AGAP1: variants seen among roughly 807,000 people sequenced by gnomAD.
The protein encoded by AGAP1 is arf-GAP with GTPase, ANK repeat and PH domain-containing protein 1.
Under a neutral mutation model 105.3 loss-of-function variants are expected in AGAP1, and 29 were observed. The ratio of observed to expected loss-of-function variants is 0.28; its 90% CI spans 0.21 to 0.38. The LOEUF (loss-of-function observed/expected upper bound fraction) is 0.38. AGAP1 is among the 10% of genes least tolerant of loss of function. The pLI, the probability that AGAP1 is intolerant of heterozygous loss-of-function variation, is 1.00. For missense variants in AGAP1, 998 were observed against 1,165.1 expected, an observed-to-expected ratio of 0.86 and a Z score of 2.09; for synonymous variants, 509 against 485.9, an observed-to-expected ratio of 1.05 and a Z score of -0.63.
At chr2:235,873,204 ATTCCCAC>A (rs1215521766) in intron 9 of AGAP1, among the ~76,000 whole-genome samples, 3 of 152,222 alleles carry the variant, frequency 2.0e-5, no homozygotes, top group Admixed American at 2.0e-4. Context: ...AAATTCTCTG[ATTCCCAC>A]TTGGTACAAA....
intron 6 of AGAP1, among the ~76,000 whole-genome samples, chr2:235,779,292 T>C (rs1420327585): frequency 1.3e-5 from 2 of 152,222 alleles, no homozygotes; most frequent in African/African-American, 4.8e-5. Context: ...ATTCACACAG[T>C]CTCCAACCTA....
chr2:236,074,489 A>G (rs1559249560), intron 16 of AGAP1, among the ~76,000 whole-genome samples: 2 of 152,214 alleles, frequency 1.3e-5, no homozygotes, highest in Admixed American at 6.6e-5. Flanking sequence ...GCTTAAGCTC[A>G]GCAATTTCAA....
chr2:235,532,998 A>G (rs1943094807), intron 1 of AGAP1, among the ~76,000 whole-genome samples: 1 of 152,044 alleles, frequency 6.6e-6, no homozygotes. Context: ...TTTGAAGGGA[A>G]AAAAAAATCA....
chr2:235,959,405 C>T lies in AGAP1; in HGVS notation c.1484-9057C>T, dbSNP rs1009557212. 6.6e-6 allele frequency among the ~76,000 whole-genome samples: 1 copy of T among 152,106 alleles called. No individual in the cohort carries two copies. Among genetic ancestry groups the T allele is most frequent in the Non-Finnish European group, 1.5e-5 (1 of 68,028 alleles). ...CGTTGTGATTGCTCATATTTTAAACCAGGGGAATGTTAAACAACTCCTTGA... is the reference window on the plus strand; with the variant it reads ...CGTTGTGATTGCTCATATTTTAAACTAGGGGAATGTTAAACAACTCCTTGA... On this transcript the variant is annotated intron_variant, in intron 12 of 17. Transcript: ENST00000304032. The surrounding 1 kb of genome is among the most constrained non-coding windows in gnomAD (Gnocchi z 7.3).
Position 235,968,526 on chromosome 2 carries a change from C to CGGG in AGAP1, c.1549_1550insGGG (p.Leu516_Asp517insGly). ...TCTCCAGCACCACCAGCCCCAAGCT[C>CGGG]GACCCGCCCCCCTCCCCTCACGCCA... On this transcript the variant is annotated inframe_insertion, in exon 13 of 18. Transcript: ENST00000304032. 10 of 1,544,480 alleles carry CGGG rather than the reference C, an allele frequency of 6.5e-6. No homozygotes were observed. Among genetic ancestry groups the CGGG allele is most frequent in the Non-Finnish European group, 8.8e-6 (10 of 1,133,472 alleles).
Position 235,588,178 on chromosome 2 carries a change from C to T in AGAP1, c.163+93329C>T, listed in dbSNP as rs542579070. ...CCGAGAGGTGGAGGTTGCAGTGAAC[C>T]GAGATTGTACCACTGCACTCAGCCT... On this transcript the variant is annotated intron_variant, in intron 1 of 17. Transcript: ENST00000304032. Among the ~76,000 whole-genome samples the T allele has an allele frequency of 2.2e-4, 33 of 150,332 alleles. 1 individual carries two copies. In the South Asian group the frequency reaches 4.4e-3, roughly 20 times the overall value.
chr2:235,759,374 T>A (rs184994312), intron 6 of AGAP1, among the ~76,000 whole-genome samples: 140 of 150,842 alleles, frequency 9.3e-4, no homozygotes, highest in African/African-American at 1.6e-3. Flanking sequence ...TTTCACCGTG[T>A]TAGCCAGGAT....
At chr2:236,047,181 G>A (rs1457368677) in intron 15 of AGAP1, among the ~76,000 whole-genome samples, 1 of 152,346 alleles carries the variant, frequency 6.6e-6, no homozygotes, top group Admixed American at 6.5e-5. Context: ...CGAGTGAAAC[G>A]TTGGCCACAG....
chr2:235,679,509 T>G (rs932548560), intron 1 of AGAP1, among the ~76,000 whole-genome samples: 1 of 152,244 alleles, frequency 6.6e-6, no homozygotes, highest in African/African-American at 2.4e-5. Context: ...CACTGTTACC[T>G]TAAAATTATA....
intron 1 of AGAP1, among the ~76,000 whole-genome samples, chr2:235,560,653 G>A (rs1944117884): frequency 6.6e-6 from 1 of 152,192 alleles, no homozygotes. Flanking sequence ...ACCAGCCAAA[G>A]AATGTGGATG....
rs993824506 is a variant in AGAP1, at chr2:236,036,021, G to T, written c.1646-540G>T. Among the ~76,000 whole-genome samples, 7 of 152,002 alleles carry T rather than the reference G, an allele frequency of 4.6e-5. No homozygotes were observed. Among genetic ancestry groups the T allele is most frequent in the Non-Finnish European group, 8.8e-5 (6 of 68,016 alleles). On this transcript the variant is annotated intron_variant, in intron 13 of 17. Coordinates refer to ENST00000304032, the MANE Select transcript of AGAP1 (RefSeq NM_001037131.3). The surrounding 1 kb of genome is among the most constrained non-coding windows in gnomAD (Gnocchi z 5.7). ...CTGTCTCAGCTGAGATCCTCCTAAG[G>T]CACGCGGGATCCCATGCACTCTCCC... is the stretch of plus-strand genomic sequence containing the variant.
chr2:235,757,309 G>T (rs1163563768), intron 6 of AGAP1, among the ~76,000 whole-genome samples: 1 of 152,200 alleles, frequency 6.6e-6, no homozygotes, highest in Non-Finnish European at 1.5e-5. Context: ...TGGGAAAGCT[G>T]GGCAGTGGCA....
At position 235,896,265 on chromosome 2, in the gene AGAP1, A is replaced by G. The variant is rs567785266; in HGVS notation, c.1156-12473A>G. ...ATGTCCTCAAGATTCTTCCAGTTGT[A>G]GTGTGTGTCAGAATTTCCTTCCTGT... On this transcript the variant is annotated intron_variant, in intron 10 of 17. Transcript: ENST00000304032. Among the ~76,000 whole-genome samples, 13 of 152,282 alleles carry G rather than the reference A, an allele frequency of 8.5e-5. No individual in the cohort carries two copies. In the South Asian group the frequency reaches 2.1e-3, roughly 24 times the overall value.
chr2:235,871,707 T>C (rs1449278015), intron 9 of AGAP1, among the ~76,000 whole-genome samples: 1 of 152,236 alleles, frequency 6.6e-6, no homozygotes, highest in Non-Finnish European at 1.5e-5. Context: ...CTGTTTCTTA[T>C]AACACTGTGG....
At chr2:236,098,775 C>T (rs2059260238) in intron 16 of AGAP1, among the ~76,000 whole-genome samples, 1 of 151,618 alleles carries the variant, frequency 6.6e-6, no homozygotes, top group Non-Finnish European at 1.5e-5. Context: ...CAGGCGTGCA[C>T]CACCATACCC....
chr2:235,792,466 A>G lies in AGAP1; in HGVS notation c.674-5293A>G, dbSNP rs974111441. On this transcript the variant is annotated intron_variant, in intron 6 of 17. Coordinates refer to ENST00000304032, the MANE Select transcript of AGAP1 (RefSeq NM_001037131.3). The surrounding 1 kb of genome is among the most constrained non-coding windows in gnomAD (Gnocchi z 5.3). ...CTAAGGAGCTGTTGAAAAACTGGAA[A>G]TAGAACAGCGCTGTGGTAAGATTTG... Among the ~76,000 whole-genome samples the G allele has an allele frequency of 5.9e-5, 9 of 152,238 alleles. No homozygotes were observed. The highest frequency in any genetic ancestry group is 1.4e-4 in the African/African-American group (6 of 41,462).
rs145700440 is a variant in AGAP1 at position 236,078,155 on chromosome 2, G to GGTGTGT, written c.2114+28889_2114+28894dup. 2.4e-3 allele frequency among the ~76,000 whole-genome samples: 357 copies of GGTGTGT among 146,472 alleles called. 3 individuals carry two copies. Among genetic ancestry groups the GGTGTGT allele is most frequent in the African/African-American group, 8.7e-3 (348 of 39,964 alleles). The stretch of plus-strand genomic sequence containing the variant: ...AAGTGTGTAGGGCAGGCCAGCCGGG[G>GGTGTGT]GTGTGTGTGTGTGTGTGTGTATATG... On this transcript the variant is annotated intron_variant, in intron 16 of 17. Transcript: ENST00000304032. The surrounding 1 kb of genome is among the most constrained non-coding windows in gnomAD (Gnocchi z 5.3).
At chr2:235,527,826 G>C (rs1942898828) in intron 1 of AGAP1, among the ~76,000 whole-genome samples, 1 of 152,184 alleles carries the variant, frequency 6.6e-6, no homozygotes, top group Non-Finnish European at 1.5e-5. Context: ...TGCTTTACCT[G>C]CTCCCATTCA....
At chr2:235,966,696 C>G (rs920455653) in intron 12 of AGAP1, among the ~76,000 whole-genome samples, 3 of 152,104 alleles carry the variant, frequency 2.0e-5, no homozygotes, top group Admixed American at 1.3e-4. Context: ...CCAGTGCTGC[C>G]TGGGCTGCCC....
Sources: gnomAD v4.1 joint callset for allele counts (sites outside exome capture counted in the v4.1 genomes callset) on GRCh38, gnomAD v4.1.1 for gene constraint, Gnocchi (gnomAD v3.1) non-coding constraint, MANE v1.5 for transcripts, NCBI Gene and HGNC (gene_info 2026-07-23, HGNC 2026-07-21) for gene names.